Variants in KCNJ1 observed in about 807,000 individuals in gnomAD.
KCNJ1 encodes ATP-sensitive inward rectifier potassium channel 1.
A neutral mutation model predicts 21.9 loss-of-function variants in KCNJ1; 24 were observed. That is an observed-to-expected ratio of 1.10 (90% CI 0.79 to 1.54). KCNJ1 has a LOEUF of 1.54. Ranked by LOEUF, KCNJ1 falls within the 40% of genes most tolerant of loss-of-function variation. KCNJ1 has a pLI of 0.00. For synonymous variants in KCNJ1, 152 were observed against 160.9 expected (o/e 0.94, Z 0.42); for missense variants, 457 against 455.4 (o/e 1.00, Z -0.03).
At chr11:128,859,364 C>T (rs1046323934) in intron 1 of KCNJ1, among the ~76,000 whole-genome samples, 1 of 152,194 alleles carries the variant, frequency 6.6e-6, no homozygotes, top group Non-Finnish European at 1.5e-5. Context: ...TGGGATCCTC[C>T]CGCCTCAGCC....
chr11:128,865,391 C>T (rs1185161434), intron 1 of KCNJ1, among the ~76,000 whole-genome samples: 5 of 152,076 alleles, frequency 3.3e-5, no homozygotes, highest in African/African-American at 1.2e-4. Context: ...TTTCCCAAGC[C>T]ATTCAGTGGT....
intron 1 of KCNJ1, chr11:128,866,485 T>C: frequency 2.3e-6 from 2 of 873,836 alleles, no homozygotes; most frequent in African/African-American, 1.8e-5. Context: ...ATGCACCAAA[T>C]CTGTAAGATA....
intron 1 of KCNJ1, among the ~76,000 whole-genome samples, chr11:128,859,064 C>T (rs1046048667): frequency 6.6e-6 from 1 of 152,160 alleles, no homozygotes. Flanking sequence ...CATGGAATTC[C>T]CACAGGGGAA....
At chr11:128,848,602 T>C (rs962439440) in intron 2 of KCNJ1, among the ~76,000 whole-genome samples, 1 of 152,176 alleles carries the variant, frequency 6.6e-6, no homozygotes, top group Non-Finnish European at 1.5e-5. Flanking sequence ...AAGCACTTGA[T>C]CCCTGCCCTG....
At chr11:128,840,673 A>C (rs1287208772) in intron 2 of KCNJ1, among the ~76,000 whole-genome samples, 1 of 152,244 alleles carries the variant, frequency 6.6e-6, no homozygotes, top group Non-Finnish European at 1.5e-5. Context: ...AATTTCTGAG[A>C]AATCACAAAC....
intron 1 of KCNJ1, among the ~76,000 whole-genome samples, chr11:128,855,855 C>T (rs1943578950): frequency 6.6e-6 from 1 of 152,244 alleles, no homozygotes; most frequent in Non-Finnish European, 1.5e-5. Context: ...TGAGTTGGCA[C>T]TTGGGGAAAT....
intron 1 of KCNJ1, among the ~76,000 whole-genome samples, chr11:128,856,164 C>A (rs192970144): frequency 6.6e-6 from 1 of 152,214 alleles, no homozygotes; most frequent in Non-Finnish European, 1.5e-5. Context: ...AGGGAGAAGA[C>A]TGTTTATCCG....
intron 1 of KCNJ1, among the ~76,000 whole-genome samples, chr11:128,864,685 T>G (rs927375407): frequency 9.9e-5 from 15 of 152,022 alleles, no homozygotes; most frequent in Non-Finnish European, 1.8e-4. Flanking sequence ...GGAGGGTGAG[T>G]GGAAGGAAAA....
At chr11:128,847,563 G>A (rs748654039) in intron 2 of KCNJ1, among the ~76,000 whole-genome samples, 10 of 152,164 alleles carry the variant, frequency 6.6e-5, no homozygotes, top group Non-Finnish European at 1.2e-4. Flanking sequence ...TTTCAAGTTC[G>A]GCTTTTGAAT....
chr11:128,853,508 G>A lies in KCNJ1; in HGVS notation c.-191-2618C>T, dbSNP rs182547639. Among the ~76,000 whole-genome samples, 402 of 152,280 alleles carry A rather than the reference G, an allele frequency of 2.6e-3. 1 individual carries two copies. Among genetic ancestry groups the A allele is most frequent in the African/African-American group, 8.9e-3 (371 of 41,548 alleles). ...GGCTGCCAGGGGCTGGGGAAGAGGC[G>A]GATGGGGAGTGACTGCTAATGGGCA... On this transcript the variant is annotated intron_variant, in intron 1 of 2. Coordinates refer to ENST00000392666, the MANE Select transcript of KCNJ1 (RefSeq NM_153766.3).
intron 1 of KCNJ1, among the ~76,000 whole-genome samples, chr11:128,851,793 T>A (rs1464183448): frequency 6.6e-6 from 1 of 152,166 alleles, no homozygotes; most frequent in Non-Finnish European, 1.5e-5. Flanking sequence ...ATTTATAAAA[T>A]GGAAAAAATT....
chr11:128,866,932 C>T (rs577544213), intron 1 of KCNJ1, among the ~76,000 whole-genome samples: 3 of 152,118 alleles, frequency 2.0e-5, no homozygotes, highest in Admixed American at 1.3e-4. Flanking sequence ...TCTTACTGCC[C>T]TCCAGCCCCA....
In KCNJ1 at chr11:128,839,637, T is replaced by C; in HGVS notation, c.607A>G (p.Ile203Val). 6.2e-7 allele frequency: 1 copy of C among 1,613,806 alleles called. No individual in the cohort carries two copies. The highest frequency in any genetic ancestry group is 8.5e-7 in the Non-Finnish European group (1 of 1,180,018). The change falls in exon 3 of 3, where the codon ATT (isoleucine) becomes GTT (valine). Residue 203 changes from isoleucine to valine, a missense_variant. Physicochemically the swap from Ile to Val is conservative, Grantham distance 29 (BLOSUM62 3). Transcript: ENST00000392666. ...AGCTTTCCATAAATGTGACTGCCAATAAGAAGGCTCTTCCTGAGATTAGCC... is the reference window on the plus strand; with the variant it reads ...AGCTTTCCATAAATGTGACTGCCAACAAGAAGGCTCTTCCTGAGATTAGCC... ...RVANLRKSLLIGSHIYGKLLK... is the reference protein window; with the variant it reads ...RVANLRKSLLVGSHIYGKLLK...
Position 128,839,410 on chromosome 11 carries a change from TA to T in KCNJ1, c.833del (p.Leu278Ter). 6.2e-7 allele frequency: 1 copy of T among 1,614,210 alleles called. No homozygotes were observed. The highest frequency in any genetic ancestry group is 1.3e-5 in the African/African-American group (1 of 75,060). ...CACTGGTGGACTCCACTGTGCCATC[TA>T]AAAACACCACTAATTCAAAGTCCTG... ...LQQDFELVVF[L>X]DGTVESTSAT... On this transcript the variant is annotated frameshift_variant, in exon 3 of 3. Coordinates refer to ENST00000392666, the MANE Select transcript of KCNJ1 (RefSeq NM_153766.3). LOFTEE classifies it high-confidence loss of function.
intron 1 of KCNJ1, among the ~76,000 whole-genome samples, chr11:128,855,238 T>C (rs1943566194): frequency 1.3e-5 from 2 of 152,198 alleles, no homozygotes; most frequent in South Asian, 4.1e-4. Flanking sequence ...TTTCTTACCC[T>C]CCCACATTTC....
At chr11:128,842,560 G>A (rs1943301993) in intron 2 of KCNJ1, 2 of 1,506,192 alleles carry the variant, frequency 1.3e-6, no homozygotes, top group Non-Finnish European at 1.8e-6. Context: ...TAATTTGATA[G>A]TGGAGTCGTG....
At chr11:128,855,849 T>A (rs1043951088) in intron 1 of KCNJ1, among the ~76,000 whole-genome samples, 1 of 152,160 alleles carries the variant, frequency 6.6e-6, no homozygotes, top group Admixed American at 6.5e-5. Flanking sequence ...AAAGGCTGAG[T>A]TGGCACTTGG....
Position 128,839,300 on chromosome 11 carries a change from TC to T in KCNJ1, c.943del (p.Glu315LysfsTer36). 1 of 1,614,184 alleles carries T rather than the reference TC, an allele frequency of 6.2e-7. No individual in the cohort carries two copies. Among genetic ancestry groups the T allele is most frequent in the African/African-American group, 1.3e-5 (1 of 75,048 alleles). ...ATGGAAATCCACTCGGTATTTCCCTTCCTTTGTCTTGGATACTATGGGAGCA... is the reference window on the plus strand; with the variant it reads ...ATGGAAATCCACTCGGTATTTCCCTTCTTTGTCTTGGATACTATGGGAGCA... Reference protein sequence around the residue: ...RFAPIVSKTKEGKYRVDFHNF... With the variant: ...RFAPIVSKTKXGKYRVDFHNF... On this transcript the variant is annotated frameshift_variant, in exon 3 of 3. Coordinates refer to ENST00000392666, the MANE Select transcript of KCNJ1 (RefSeq NM_153766.3). LOFTEE classifies it high-confidence loss of function.
Position 128,840,055 on chromosome 11 carries a change from G to C in KCNJ1, c.189C>G (p.Thr63=), listed in dbSNP as rs756097105. 2.5e-6 allele frequency: 4 copies of C among 1,614,012 alleles called. No individual in the cohort carries two copies. Among genetic ancestry groups the C allele is most frequent in the Non-Finnish European group, 3.4e-6 (4 of 1,180,008 alleles). Residue 63 remains threonine (T), a synonymous_variant, in exon 3 of 3, where the codon ACC becomes ACG. Transcript: ENST00000392666. ...TCCCCAAGAAGGCTGTGATGAAAAT[G>C]GTCATTTTGTATCTCCACTTGAGGT... ...VLDLKWRYKM[T]IFITAFLGSW... is the part of the protein sequence containing the mutation.
Sources: allele counts gnomAD v4.1 joint callset (sites outside exome capture counted in the v4.1 genomes callset), GRCh38; gene constraint gnomAD v4.1.1; transcripts MANE v1.5; gene names NCBI Gene and HGNC (gene_info 2026-07-23, HGNC 2026-07-21).